The following LRRC45 variants were observed in gnomAD, a reference collection of about 807,000 sequenced individuals.
LRRC45 encodes leucine rich repeat containing 45, also known as leucine-rich repeat-containing protein 45.
Under a neutral mutation model 85.4 loss-of-function variants are expected in LRRC45, and 73 were observed. That is an observed-to-expected ratio of 0.85 (90% CI 0.71 to 1.04). LRRC45 has a LOEUF of 1.04. LRRC45 is among the 50% of genes least tolerant of loss of function. The pLI, the probability that LRRC45 is intolerant of heterozygous loss-of-function variation, is 0.00. For synonymous variants in LRRC45, 429 were observed against 386.0 expected (o/e 1.11, Z -1.31); for missense variants, 937 against 883.3 (o/e 1.06, Z -0.77).
At chr17:82,029,448 G>A (rs1208496503) in intron 13 of LRRC45, 95 bp from the exon 14 acceptor site, 4 of 1,361,586 alleles carry the variant, frequency 2.9e-6, no homozygotes, top group East Asian at 2.5e-5. Context: ...TGGCAGAGAG[G>A]AGCCCCCCTG....
rs543422637 is a variant in LRRC45 at position 82,025,045 on chromosome 17, C to T, written c.399C>T (p.Phe133=). 4.4e-5 allele frequency: 71 copies of T among 1,606,056 alleles called. No individual in the cohort carries two copies. In the South Asian group the frequency reaches 6.0e-4, roughly 14 times the overall value. ...WNSLGTWDDA[F]ATFCGGLAAN... is the part of the protein sequence containing the mutation. ...GCCTGGGCACGTGGGACGATGCCTTCGCCACCTTCTGCGGGGGCCTGGCGG... is the reference window on the plus strand; with the variant it reads ...GCCTGGGCACGTGGGACGATGCCTTTGCCACCTTCTGCGGGGGCCTGGCGG... Residue 133 remains phenylalanine (F), a synonymous_variant, in exon 4 of 17, where the codon TTC becomes TTT. Coordinates refer to ENST00000306688, the MANE Select transcript of LRRC45 (RefSeq NM_144999.4).
chr17:82,024,243 G>A (rs1253217470), intron 1 of LRRC45, 35 bp from the exon 2 acceptor site: 1 of 1,607,770 alleles, frequency 6.2e-7, no homozygotes, highest in South Asian at 1.1e-5. Flanking sequence ...GGGGTCAGCA[G>A]GGGCAGAGAG....
intron 8 of LRRC45, 41 bp downstream of exon 8, chr17:82,027,792 C>T (rs988107557): frequency 2.5e-6 from 4 of 1,596,470 alleles, no homozygotes; most frequent in Non-Finnish European, 3.4e-6. Context: ...GAGACGTGCC[C>T]ACAGGGCAGA....
rs1250512513 is a variant in LRRC45 at position 82,024,711 on chromosome 17, G to C, written c.301G>C (p.Ala101Pro). ...LDLKGNNLRA[A>P]GAEALGKLLQ... ...CTCCTAGGGCAACAACCTTCGGGCT[G>C]CAGGGGCCGAGGCTCTGGGAAAACT... Residue 101 changes from alanine to proline, a missense_variant, in exon 3 of 17, where the codon GCA becomes CCA. By Grantham distance (27) the Ala-to-Pro change is conservative (BLOSUM62 -1). Transcript: ENST00000306688. The C allele has an allele frequency of 9.5e-6, 15 of 1,574,932 alleles. No individual in the cohort carries two copies. The Admixed American group carries it at 2.8e-4, about 29-fold the overall frequency.
rs2043405299 is a variant in LRRC45 at position 82,030,178 on chromosome 17, G to A, written c.1608G>A (p.Arg536=). The A allele has an allele frequency of 1.9e-6, 3 of 1,544,650 alleles. No homozygotes were observed. The highest frequency in any genetic ancestry group is 2.6e-6 in the Non-Finnish European group (3 of 1,144,050). ...QKQVVAEAQT[R]VSQLGLQVEG... ...AGGTGGTGGCCGAGGCCCAGACCCG[G>A]GTCAGCCAGCTGGGCCTGCAAGTTG... The change falls in exon 15 of 17, where the codon CGG becomes CGA. Residue 536 remains arginine, a synonymous_variant. Transcript: ENST00000306688.
chr17:82,029,276 A>G, intron 13 of LRRC45, 91 bp downstream of exon 13: 1 of 1,275,908 alleles, frequency 7.8e-7, no homozygotes, highest in Non-Finnish European at 1.1e-6. Flanking sequence ...AGGACCAGAG[A>G]CCTCTTCCTG....
intron 7 of LRRC45, 75 bp downstream of exon 7, chr17:82,027,519 CTGAGCCCACGAG>C (rs1321557828): frequency 3.0e-5 from 48 of 1,596,888 alleles, no homozygotes; most frequent in Non-Finnish European, 3.9e-5. Flanking sequence ...TGGGACCAAC[CTGAGCCCACGAG>C]TGAGGCCACG....
chr17:82,030,653 G>A lies in LRRC45; in HGVS notation c.1861G>A (p.Glu621Lys), dbSNP rs909656732. 2.5e-5 allele frequency: 36 copies of A among 1,429,690 alleles called. No individual in the cohort carries two copies. Among genetic ancestry groups the A allele is most frequent in the Middle Eastern group, 1.9e-4 (1 of 5,214 alleles). The allele number at this position is 1,429,690 out of a possible 1,614,324, so 88.6% of individuals were successfully genotyped here. Residue 621 changes from glutamate (E) to lysine (K), a missense_variant, in exon 17 of 17, where the codon GAG (glutamate) becomes AAG (lysine). Transcript: ENST00000306688. The stretch of plus-strand genomic sequence containing the variant: ...AGAGGCGCTGCTGGACAGGGAGAGC[G>A]AGAACGCGTCTCTCCGGGAGAAGCT... ...HREALLDRES[E>K]NASLREKLRL... is the part of the protein sequence containing the mutation.
chr17:82,030,106 G>T lies in LRRC45; in HGVS notation c.1536G>T (p.Leu512=). ...ACCTGGAGGACAAGCTGAGACTGCT[G>T]GCGCAGGCACGGGACGAGGCGCAGG... ...LAHLEDKLRL[L]AQARDEAQGA... is the part of the protein sequence containing the mutation. Residue 512 remains leucine, a synonymous_variant, in exon 15 of 17, where the codon CTG becomes CTT. Transcript: ENST00000306688. 6.5e-7 allele frequency: 1 copy of T among 1,547,186 alleles called. No homozygotes were observed.
intron 15 of LRRC45, 25 bp from the exon 16 acceptor site, chr17:82,030,294 A>G: frequency 6.5e-7 from 1 of 1,543,694 alleles, no homozygotes; most frequent in Non-Finnish European, 8.8e-7. Flanking sequence ...CCCTCGCCTC[A>G]CTCCCCAGCC....
rs751249175 is a variant in LRRC45 at position 82,029,120 on chromosome 17, G to T, written c.1336G>T (p.Glu446Ter). The change falls in exon 13 of 17, where the codon GAG (glutamate) becomes TAG (stop). Residue 446 changes from glutamate to a stop codon, truncating the protein, a stop_gained. Transcript: ENST00000306688. LOFTEE classifies it high-confidence loss of function. ...EVEHMTRHLE[E>*]SEKAMQERVQ... ...GGAGCATATGACCCGTCACCTGGAG[G>T]AGAGTGAGAAGGCCATGCAGGAGCG... 10 of 1,612,608 alleles carry T rather than the reference G, an allele frequency of 6.2e-6. No homozygotes were observed. The Admixed American group carries it at 1.7e-4, about 27-fold the overall frequency.
chr17:82,027,702 C>A lies in LRRC45; in HGVS notation c.862C>A (p.Gln288Lys). 1 of 1,611,032 alleles carries A rather than the reference C, an allele frequency of 6.2e-7. No homozygotes were observed. The highest frequency in any genetic ancestry group is 8.5e-7 in the Non-Finnish European group (1 of 1,179,228). ...GTCGGCAGCCCGTGTAGGGCAGCTT[C>A]AGGAAGCCCTGAATGAGAGGCACTC... is the stretch of plus-strand genomic sequence containing the variant. ...RASAARVGQL[Q>K]EALNERHSII... Residue 288 changes from glutamine to lysine, a missense_variant, in exon 8 of 17, where the codon CAG becomes AAG. Physicochemically the swap from Gln to Lys is moderately conservative, Grantham distance 53 (BLOSUM62 1). Transcript: ENST00000306688.
In LRRC45 at chr17:82,029,155, G is replaced by A; in HGVS notation, c.1371G>A (p.Arg457=). The A allele has an allele frequency of 6.2e-7, 1 of 1,612,112 alleles. No homozygotes were observed. Among genetic ancestry groups the A allele is most frequent in the Non-Finnish European group, 8.5e-7 (1 of 1,179,794 alleles). Residue 457 remains arginine (R), a synonymous_variant, in exon 13 of 17, where the codon AGG becomes AGA. Coordinates refer to ENST00000306688, the MANE Select transcript of LRRC45 (RefSeq NM_144999.4). The stretch of plus-strand genomic sequence containing the variant: ...AGGCCATGCAGGAGCGGGTGCAGAG[G>A]CTGGAGGCGGCGCGGCTGTCCCTGG... The part of the protein sequence containing the change: ...SEKAMQERVQ[R]LEAARLSLEE...
intron 14 of LRRC45, among the ~76,000 whole-genome samples, chr17:82,029,842 G>A (rs1283890216): frequency 6.6e-6 from 1 of 152,234 alleles, no homozygotes; most frequent in East Asian, 1.9e-4. Context: ...TCTGCAGCCT[G>A]TGACTACACG....
Position 82,029,180 on chromosome 17 carries a change from G to C in LRRC45, c.1396G>C (p.Glu466Gln), listed in dbSNP as rs753792516. The change falls in exon 13 of 17, where the codon GAG (glutamate) becomes CAG (glutamine). Residue 466 changes from glutamate to glutamine, a missense_variant. Glu to Gln is a conservative substitution (Grantham distance 29). Transcript: ENST00000306688. ...GCTGGAGGCGGCGCGGCTGTCCCTG[G>C]AGGAGGTGAGTGCCCACCAGGCAGG... is the stretch of plus-strand genomic sequence containing the variant. ...QRLEAARLSL[E>Q]EELSRVKAAA... 1.3e-5 allele frequency: 21 copies of C among 1,610,084 alleles called. No homozygotes were observed. In the South Asian group the frequency reaches 1.9e-4, roughly 14 times the overall value.
intron 11 of LRRC45, 40 bp downstream of exon 11, chr17:82,028,548 G>A (rs2043388802): frequency 6.2e-7 from 1 of 1,611,438 alleles, no homozygotes; most frequent in African/African-American, 1.3e-5. Context: ...GCCTGGGGAT[G>A]GGCACCGGGG....
At chr17:82,029,522 G>A (rs2144148811) in intron 13 of LRRC45, 21 bp from the exon 14 acceptor site, 1 of 1,555,070 alleles carries the variant, frequency 6.4e-7, no homozygotes, top group Non-Finnish European at 8.7e-7. Context: ...AGAACGGGCT[G>A]GCAGGTGGCC....
chr17:82,025,026 G>T lies in LRRC45; in HGVS notation c.380G>T (p.Gly127Val). The T allele has an allele frequency of 6.2e-7, 1 of 1,600,082 alleles. No homozygotes were observed. The highest frequency in any genetic ancestry group is 8.5e-7 in the Non-Finnish European group (1 of 1,173,812). Residue 127 changes from glycine to valine, a missense_variant, in exon 4 of 17, where the codon GGC becomes GTC. Transcript: ENST00000306688. Reference protein sequence around the residue: ...QSLTLEWNSLGTWDDAFATFC... With the variant: ...QSLTLEWNSLVTWDDAFATFC... ...CTCACGCTGGAGTGGAACAGCCTGG[G>T]CACGTGGGACGATGCCTTCGCCACC...
intron 6 of LRRC45, 81 bp from the exon 7 acceptor site, chr17:82,027,305 G>T: frequency 1.9e-6 from 3 of 1,539,420 alleles, no homozygotes; most frequent in Non-Finnish European, 2.7e-6. Context: ...ATTGGTGGGC[G>T]CTGGCTCTCC....
Sources: allele counts gnomAD v4.1 joint callset (sites outside exome capture counted in the v4.1 genomes callset), GRCh38; gene constraint gnomAD v4.1.1; transcripts MANE v1.5; gene names NCBI Gene and HGNC (gene_info 2026-07-23, HGNC 2026-07-21).